The following CNTN4 variants were observed in gnomAD, a reference collection of about 807,000 sequenced individuals.
The protein encoded by CNTN4 is contactin 4, also known as contactin-4.
CNTN4 carries 77 observed loss-of-function variants against 122.5 expected under a neutral mutation model. The ratio of observed to expected loss-of-function variants is 0.63; its 90% confidence interval spans 0.52 to 0.76. CNTN4 has a LOEUF of 0.76. Ranked by LOEUF, CNTN4 falls within the 30% of genes least tolerant of loss-of-function variation. The pLI, the probability that CNTN4 is intolerant of heterozygous loss-of-function variation, is 0.00. For missense variants in CNTN4, 1,256 were observed against 1,259.1 expected (o/e 1.00, Z 0.04); for synonymous variants, 512 against 447.0 (o/e 1.15, Z -1.83).
At chr3:2,350,095 T>G (rs1020951998) in intron 3 of CNTN4, among the ~76,000 whole-genome samples, 2 of 152,156 alleles carry the variant, frequency 1.3e-5, no homozygotes, top group Non-Finnish European at 2.9e-5. Context: ...CGTGGTTGTT[T>G]TACCTTTTCA....
In CNTN4 at chr3:2,572,414, AACTTCAC is replaced by A. The variant is rs559891056; in HGVS notation, c.55+859_55+865del. On this transcript the variant is annotated intron_variant, in intron 4 of 24. Coordinates refer to ENST00000418658, the MANE Select transcript of CNTN4 (RefSeq NM_175607.3). Reference sequence around the variant, plus strand: ...AAAATAAAAAAAGAAAAGAAAAGAAAACTTCACACATACTCTCTATTGCTTTCTCCAT... The same window carrying A: ...AAAATAAAAAAAGAAAAGAAAAGAAAACATACTCTCTATTGCTTTCTCCAT... 2.8e-3 allele frequency among the ~76,000 whole-genome samples: 425 copies of A among 152,208 alleles called. 1 individual carries two copies. The highest frequency in any genetic ancestry group is 3.9e-3 in the Non-Finnish European group (265 of 68,004).
chr3:2,302,526 A>C (rs951149221), intron 2 of CNTN4, among the ~76,000 whole-genome samples: 1 of 152,246 alleles, frequency 6.6e-6, no homozygotes, highest in Non-Finnish European at 1.5e-5. Flanking sequence ...ACGTGAGCTA[A>C]CTGGTATATA....
intron 2 of CNTN4, among the ~76,000 whole-genome samples, chr3:2,121,435 T>C (rs2033773705): frequency 6.7e-6 from 1 of 148,582 alleles, no homozygotes; most frequent in South Asian, 2.2e-4. Flanking sequence ...GAGGTGGAGG[T>C]TGCAGTGAGC....
At chr3:2,169,530 C>T (rs940399181) in intron 2 of CNTN4, among the ~76,000 whole-genome samples, 1 of 149,612 alleles carries the variant, frequency 6.7e-6, no homozygotes, top group East Asian at 2.0e-4. Context: ...CCTCAGCCTC[C>T]CGAGTAGCTG....
intron 8 of CNTN4, among the ~76,000 whole-genome samples, chr3:2,874,838 T>A (rs2093825261): frequency 6.6e-6 from 1 of 152,184 alleles, no homozygotes; most frequent in Non-Finnish European, 1.5e-5. Context: ...TAACTAGGAA[T>A]TGGCAAACTC....
At chr3:2,383,355 G>A (rs1052098700) in intron 3 of CNTN4, among the ~76,000 whole-genome samples, 1 of 152,154 alleles carries the variant, frequency 6.6e-6, no homozygotes, top group Admixed American at 6.5e-5. Context: ...GATGATGAAA[G>A]TGAGAATGAT....
chr3:3,055,948 C>A (rs1401555177), intron 24 of CNTN4, among the ~76,000 whole-genome samples, 172 bp from the exon 25 acceptor site: 2 of 152,182 alleles, frequency 1.3e-5, no homozygotes, highest in Middle Eastern at 3.2e-3. Context: ...ATACCCTACT[C>A]CCAGGTTTGT....
intron 3 of CNTN4, among the ~76,000 whole-genome samples, chr3:2,381,168 G>C: frequency 6.6e-6 from 1 of 151,854 alleles, no homozygotes. Flanking sequence ...ACCACACCCG[G>C]CTAATTTTTT....
intron 3 of CNTN4, among the ~76,000 whole-genome samples, chr3:2,423,042 G>A (rs767921098): frequency 2.0e-5 from 3 of 152,166 alleles, no homozygotes; most frequent in African/African-American, 4.8e-5. Context: ...AAGCGACTGC[G>A]TTGTTTTAGT....
At chr3:2,219,232 A>G (rs1685511) in intron 2 of CNTN4, among the ~76,000 whole-genome samples, 59,602 of 152,024 alleles carry the variant, frequency 0.39, 11,760 homozygotes, top group Non-Finnish European at 0.41. Flanking sequence ...GTTTAACACA[A>G]TCATCTTATC....
intron 4 of CNTN4, among the ~76,000 whole-genome samples, chr3:2,590,774 G>A (rs2080432942): frequency 6.6e-6 from 1 of 151,444 alleles, no homozygotes; most frequent in Non-Finnish European, 1.5e-5. Context: ...TCTATGCCTA[G>A]CTTTATACTG....
intron 2 of CNTN4, among the ~76,000 whole-genome samples, chr3:2,252,499 C>A (rs961289317): frequency 1.1e-4 from 17 of 152,028 alleles, no homozygotes; most frequent in African/African-American, 4.1e-4. Context: ...GACTATGTTC[C>A]ATTCATGAAT....
chr3:2,549,235 A>G (rs1223326802), intron 3 of CNTN4, among the ~76,000 whole-genome samples: 1 of 152,042 alleles, frequency 6.6e-6, no homozygotes, highest in Non-Finnish European at 1.5e-5. Flanking sequence ...TTCCAATACC[A>G]TGTTGAATAG....
intron 3 of CNTN4, among the ~76,000 whole-genome samples, chr3:2,555,478 C>T: frequency 6.6e-6 from 1 of 152,120 alleles, no homozygotes; most frequent in East Asian, 1.9e-4. Flanking sequence ...GGCATAAAGA[C>T]AAAGGTTAGA....
intron 6 of CNTN4, among the ~76,000 whole-genome samples, chr3:2,794,975 T>G (rs1220459230): frequency 6.6e-6 from 1 of 152,090 alleles, no homozygotes; most frequent in African/African-American, 2.4e-5. Flanking sequence ...CAGATACACT[T>G]TGGGGTTAGG....
At chr3:2,162,436 G>C (rs1009297593) in intron 2 of CNTN4, among the ~76,000 whole-genome samples, 3 of 152,144 alleles carry the variant, frequency 2.0e-5, no homozygotes, top group African/African-American at 7.2e-5. Flanking sequence ...TTTTGTTTTT[G>C]AGATCTTTAT....
At chr3:2,896,654 AT>A (rs1187497433) in intron 10 of CNTN4, among the ~76,000 whole-genome samples, 1 of 152,202 alleles carries the variant, frequency 6.6e-6, no homozygotes, top group African/African-American at 2.4e-5. Context: ...GGAACACTGA[AT>A]TTGAGGTAAT....
chr3:2,766,680 A>G (rs2090875672), intron 6 of CNTN4, among the ~76,000 whole-genome samples: 1 of 152,160 alleles, frequency 6.6e-6, no homozygotes, highest in Non-Finnish European at 1.5e-5. Context: ...CCAAAATCTG[A>G]CAGATCACCA....
intron 2 of CNTN4, among the ~76,000 whole-genome samples, chr3:2,286,007 A>G (rs939625139): frequency 6.6e-6 from 1 of 152,178 alleles, no homozygotes; most frequent in African/African-American, 2.4e-5. Flanking sequence ...GCTTTACGGC[A>G]TTAATACATT....
Sources: gnomAD v4.1 joint callset for allele counts (sites outside exome capture counted in the v4.1 genomes callset) on GRCh38, gnomAD v4.1.1 for gene constraint, MANE v1.5 for transcripts, NCBI Gene and HGNC (gene_info 2026-07-23, HGNC 2026-07-21) for gene names.